LAMC1: variants seen among roughly 807,000 people sequenced by gnomAD.
The protein encoded by LAMC1 is laminin subunit gamma-1.
LAMC1 carries 38 observed loss-of-function variants against 173.6 expected under a neutral mutation model. The observed-to-expected ratio is 0.22, with a 90% CI of 0.17 to 0.29. The LOEUF is 0.29. LAMC1 is among the 10% of genes least tolerant of loss of function. The pLI is 1.00. For synonymous variants in LAMC1, 746 were observed against 749.1 expected (o/e 1.00, Z 0.07); for missense variants, 1,824 against 2,051.8 (o/e 0.89, Z 2.14).
At chr1:183,079,938 C>T (rs1655224927) in intron 1 of LAMC1, among the ~76,000 whole-genome samples, 1 of 152,114 alleles carries the variant, frequency 6.6e-6, no homozygotes, top group Non-Finnish European at 1.5e-5. Flanking sequence ...CCATCCATGA[C>T]AATGTCAAAA....
chr1:183,127,467 C>A, intron 17 of LAMC1, 63 bp downstream of exon 17: 2 of 1,445,606 alleles, frequency 1.4e-6, no homozygotes, highest in South Asian at 1.2e-5. Context: ...ACTTACTGTG[C>A]ACTAATCTCT....
At chr1:183,138,762 C>T (rs563881503) in intron 26 of LAMC1, among the ~76,000 whole-genome samples, 1 of 152,104 alleles carries the variant, frequency 6.6e-6, no homozygotes, top group African/African-American at 2.4e-5. Context: ...GTAAAAATTC[C>T]CATAAAGGTG....
Position 183,126,174 on chromosome 1 carries a change from C to A in LAMC1, c.2856C>A (p.Gly952=). The A allele has an allele frequency of 6.2e-7, 1 of 1,614,192 alleles. No homozygotes were observed. The highest frequency in any genetic ancestry group is 8.5e-7 in the Non-Finnish European group (1 of 1,180,020). The change falls in exon 16 of 28, where the codon GGC becomes GGA. Residue 952 remains glycine, a synonymous_variant. Coordinates refer to ENST00000258341, the MANE Select transcript of LAMC1 (RefSeq NM_002293.4). ...ATGGGCAGTGTGACATCCGCACCGG[C>A]CAGTGTGAGTGCCAGCCCGGCATCA... ...STNGQCDIRT[G]QCECQPGITG...
chr1:183,071,539 T>C (rs555075543), intron 1 of LAMC1, among the ~76,000 whole-genome samples: 17 of 111,256 alleles, frequency 1.5e-4, no homozygotes, highest in Non-Finnish European at 3.0e-4. Flanking sequence ...TCAATCTTTA[T>C]GGTAGTTTGT....
In LAMC1 at chr1:183,129,666, T is replaced by C. The variant is rs73036933; in HGVS notation, c.3281-678T>C. On this transcript the variant is annotated intron_variant, in intron 18 of 27. Transcript: ENST00000258341. The stretch of plus-strand genomic sequence containing the variant: ...TTACTTAATGGTTTTTATATATTAA[T>C]AAAACCTCATGATACATGAGAGTTT... Among the ~76,000 whole-genome samples the C allele has an allele frequency of 8.1e-3, 1,229 of 152,242 alleles. 12 individuals carry two copies. The highest frequency in any genetic ancestry group is 0.028 in the African/African-American group (1,172 of 41,544).
intron 1 of LAMC1, among the ~76,000 whole-genome samples, chr1:183,044,436 C>T (rs1433913687): frequency 7.9e-5 from 12 of 152,060 alleles, no homozygotes; most frequent in Non-Finnish European, 1.3e-4. Flanking sequence ...GCGTGGGAAC[C>T]GTGTTTTAAA....
At position 183,108,755 on chromosome 1, in the gene LAMC1, CCTT is replaced by C. The variant is rs145327916; in HGVS notation, c.854+353_854+355del. Reference sequence around the variant, plus strand: ...ACCTTATCCTACGGAGAAGTCCTGACCTTCTTGGATCTTACACATGAACAGGGT... The same window carrying C: ...ACCTTATCCTACGGAGAAGTCCTGACCTTGGATCTTACACATGAACAGGGT... On this transcript the variant is annotated intron_variant, in intron 3 of 27. Transcript: ENST00000258341. Among the ~76,000 whole-genome samples the C allele has an allele frequency of 1.5e-3, 229 of 152,308 alleles. 2 individuals are homozygous for C. Among genetic ancestry groups the C allele is most frequent in the African/African-American group, 5.3e-3 (219 of 41,568 alleles).
chr1:183,035,882 T>G (rs1354860489), intron 1 of LAMC1, among the ~76,000 whole-genome samples: 1 of 152,042 alleles, frequency 6.6e-6, no homozygotes, highest in African/African-American at 2.4e-5. Flanking sequence ...TACAATGGAG[T>G]GTTAAGCAAC....
rs1656587706 is a variant in LAMC1 at position 183,125,242 on chromosome 1, G to T, written c.2648-155G>T. 10 of 718,282 alleles carry T rather than the reference G, an allele frequency of 1.4e-5. No homozygotes were observed. The Admixed American group carries it at 1.7e-4, about 12-fold the overall frequency. 44.5% of individuals were successfully genotyped at this position (718,282 alleles called of 1,614,324 possible). On this transcript the variant is annotated intron_variant, in intron 14 of 27. Coordinates refer to ENST00000258341, the MANE Select transcript of LAMC1 (RefSeq NM_002293.4). ...CACGTTTATAGCACATCTCAATTCAGACTCACCAGCCACATTTAAAGTGCT... is the reference window on the plus strand; with the variant it reads ...CACGTTTATAGCACATCTCAATTCATACTCACCAGCCACATTTAAAGTGCT...
chr1:183,141,773 G>A (rs1657120217), intron 27 of LAMC1, among the ~76,000 whole-genome samples: 1 of 152,230 alleles, frequency 6.6e-6, no homozygotes, highest in South Asian at 2.1e-4. Context: ...ACATTAGTCT[G>A]ACTTGGGTTA....
intron 1 of LAMC1, among the ~76,000 whole-genome samples, chr1:183,025,313 T>C (rs1653657772): frequency 7.0e-6 from 1 of 141,992 alleles, no homozygotes; most frequent in South Asian, 2.5e-4. Context: ...GTATCAGGAT[T>C]CCAGAGAAAG....
chr1:183,071,528 A>G (rs1432725833), intron 1 of LAMC1, among the ~76,000 whole-genome samples: 2 of 146,006 alleles, frequency 1.4e-5, no homozygotes, highest in African/African-American at 2.5e-5. Flanking sequence ...AACCACAGAA[A>G]TCAATCTTTA....
chr1:183,105,001 G>A (rs966398786), intron 2 of LAMC1, among the ~76,000 whole-genome samples: 1 of 150,548 alleles, frequency 6.6e-6, no homozygotes, highest in Non-Finnish European at 1.5e-5. Flanking sequence ...TTGAGGTCAG[G>A]CATTCAAAAC....
intron 1 of LAMC1, among the ~76,000 whole-genome samples, chr1:183,038,826 C>G (rs1467636930): frequency 6.6e-6 from 1 of 152,010 alleles, no homozygotes; most frequent in Non-Finnish European, 1.5e-5. Flanking sequence ...TTAATAGACT[C>G]TTAGTTTTCT....
rs186915362 is a variant in LAMC1, at chr1:183,125,064, A to G, written c.2647+188A>G. The G allele has an allele frequency of 3.0e-3, 2,015 of 677,778 alleles. 19 individuals carry two copies. The highest frequency in any genetic ancestry group is 0.016 in the Middle Eastern group (38 of 2,438). 42.0% of individuals were successfully genotyped at this position (677,778 alleles called of 1,614,324 possible). A position where few individuals can be genotyped will look rare whatever the true frequency, so the allele number is the denominator to read the frequency against. The stretch of plus-strand genomic sequence containing the variant: ...AAGAAGGACAGTCATGGTGGCTGAC[A>G]CCTGTGGTCCTGTAAAAAGAAACAG... On this transcript the variant is annotated intron_variant, in intron 14 of 27. Coordinates refer to ENST00000258341, the MANE Select transcript of LAMC1 (RefSeq NM_002293.4).
intron 11 of LAMC1, among the ~76,000 whole-genome samples, chr1:183,118,878 T>A (rs1547712): frequency 0.52 from 78,756 of 151,984 alleles, 21,108 homozygotes; most frequent in South Asian, 0.65. Context: ...TTATAATTTT[T>A]GGTGAACAAG....
intron 25 of LAMC1, among the ~76,000 whole-genome samples, chr1:183,137,021 T>A (rs750658334): frequency 3.3e-5 from 5 of 152,240 alleles, no homozygotes; most frequent in Admixed American, 2.6e-4. Flanking sequence ...TTCCCATAGC[T>A]GCCATTGCTA....
At chr1:183,091,443 G>T (rs1655563636) in intron 1 of LAMC1, among the ~76,000 whole-genome samples, 2 of 152,092 alleles carry the variant, frequency 1.3e-5, no homozygotes, top group Admixed American at 6.6e-5. Flanking sequence ...GCCAGTCTCT[G>T]TCTTGGATTC....
intron 1 of LAMC1, among the ~76,000 whole-genome samples, chr1:183,075,385 G>C (rs926929841): frequency 1.3e-5 from 2 of 152,086 alleles, no homozygotes. Context: ...CAAAGTGTTG[G>C]GGATACAGGA....
Sources: allele counts gnomAD v4.1 joint callset (sites outside exome capture counted in the v4.1 genomes callset), GRCh38; gene constraint gnomAD v4.1.1; transcripts MANE v1.5; gene names NCBI Gene and HGNC (gene_info 2026-07-23, HGNC 2026-07-21).